Variants in LSAMP observed in about 807,000 individuals in gnomAD.
LSAMP encodes limbic system associated membrane protein.
LSAMP carries 7 observed loss-of-function variants against 38.6 expected under a neutral mutation model. The ratio of observed to expected loss-of-function variants is 0.18; its 90% CI spans 0.10 to 0.34. LSAMP has a LOEUF of 0.34. Ranked by LOEUF, LSAMP falls within the 10% of genes least tolerant of loss-of-function variation. The probability of loss-of-function intolerance (pLI) is 1.00; values close to 1 mark genes in which losing one functional copy is unlikely to be tolerated. For missense variants in LSAMP, 313 were observed against 420.0 expected, an observed-to-expected ratio of 0.75 and a Z score of 2.23; for synonymous variants, 154 against 166.8, an observed-to-expected ratio of 0.92 and a Z score of 0.59.
chr3:116,028,327 T>C (rs975185738), intron 2 of LSAMP, among the ~76,000 whole-genome samples: 1 of 152,148 alleles, frequency 6.6e-6, no homozygotes, highest in Non-Finnish European at 1.5e-5. Flanking sequence ...CCAGGATGGA[T>C]GACAGGACTG....
intron 1 of LSAMP, among the ~76,000 whole-genome samples, chr3:116,394,074 T>A (rs1331653625): frequency 6.6e-6 from 1 of 152,200 alleles, no homozygotes; most frequent in Non-Finnish European, 1.5e-5. Flanking sequence ...CACCTGTTTT[T>A]GTTTCCTTTC....
intron 3 of LSAMP, among the ~76,000 whole-genome samples, chr3:116,014,155 A>G (rs562268730): frequency 6.6e-6 from 1 of 152,282 alleles, no homozygotes; most frequent in African/African-American, 2.4e-5. Flanking sequence ...TAGCATGTGC[A>G]CCAATTTAGG....
intron 2 of LSAMP, among the ~76,000 whole-genome samples, chr3:116,065,583 A>G (rs188376217): frequency 5.9e-5 from 9 of 152,266 alleles, no homozygotes; most frequent in African/African-American, 1.9e-4. Flanking sequence ...ATTTCTTAAG[A>G]TCTTAAATTA....
At chr3:116,046,538 G>T (rs1263274414) in intron 2 of LSAMP, among the ~76,000 whole-genome samples, 1 of 152,188 alleles carries the variant, frequency 6.6e-6, no homozygotes, top group Non-Finnish European at 1.5e-5. Flanking sequence ...TCGTTAGGTA[G>T]GGAGGCACTG....
chr3:116,324,577 GT>G lies in LSAMP; in HGVS notation c.155+120299del, dbSNP rs1344219244. On this transcript the variant is annotated intron_variant, in intron 1 of 6. Coordinates refer to ENST00000490035, the MANE Select transcript of LSAMP (RefSeq NM_002338.5). ...TAGAGTCATAATCTATTCATTCCGA[GT>G]TCTTACACACCTGAATCACAACATA... 9.2e-5 allele frequency among the ~76,000 whole-genome samples: 14 copies of G among 152,218 alleles called. No homozygotes were observed. The East Asian group carries it at 2.5e-3, about 27-fold the overall frequency.
intron 1 of LSAMP, among the ~76,000 whole-genome samples, chr3:116,129,834 G>T (rs182459581): frequency 6.6e-6 from 1 of 152,210 alleles, no homozygotes; most frequent in Non-Finnish European, 1.5e-5. Context: ...GGGATGTACC[G>T]TCTCTTCTGG....
At chr3:115,987,437 C>A (rs1939541355) in intron 3 of LSAMP, among the ~76,000 whole-genome samples, 1 of 152,142 alleles carries the variant, frequency 6.6e-6, no homozygotes. Flanking sequence ...AGGAGGAATA[C>A]ACTTTTATTG....
intron 3 of LSAMP, among the ~76,000 whole-genome samples, chr3:115,930,940 T>C (rs1352528742): frequency 6.6e-6 from 1 of 152,166 alleles, no homozygotes; most frequent in African/African-American, 2.4e-5. Context: ...AAAAACAAGA[T>C]AAAAATTACA....
At chr3:116,429,458 A>C (rs1305308013) in intron 1 of LSAMP, among the ~76,000 whole-genome samples, 1 of 152,228 alleles carries the variant, frequency 6.6e-6, no homozygotes. Context: ...TTATAAGAAC[A>C]GAAAACCAGA....
chr3:116,400,371 C>CA (rs2048822523), intron 1 of LSAMP, among the ~76,000 whole-genome samples: 3 of 151,778 alleles, frequency 2.0e-5, no homozygotes, highest in Admixed American at 2.0e-4. Flanking sequence ...TTCTTCCTTC[C>CA]TTTTTTTTCT....
chr3:116,206,887 T>A (rs2046077206), intron 1 of LSAMP, among the ~76,000 whole-genome samples: 1 of 150,808 alleles, frequency 6.6e-6, no homozygotes, highest in Non-Finnish European at 1.5e-5. Flanking sequence ...TCTGTTGATT[T>A]GGGGTGGAGA....
At chr3:115,910,810 A>G (rs1937117888) in intron 3 of LSAMP, among the ~76,000 whole-genome samples, 1 of 152,188 alleles carries the variant, frequency 6.6e-6, no homozygotes, top group African/African-American at 2.4e-5. Flanking sequence ...CTGTTGGCAT[A>G]GACTCTTTTT....
chr3:116,404,337 T>C (rs1430921498), intron 1 of LSAMP, among the ~76,000 whole-genome samples: 1 of 152,188 alleles, frequency 6.6e-6, no homozygotes, highest in Non-Finnish European at 1.5e-5. Context: ...AATATTACTT[T>C]TCCCCTGCTT....
At chr3:115,851,697 C>G (rs1377204100) in intron 4 of LSAMP, among the ~76,000 whole-genome samples, 2 of 152,100 alleles carry the variant, frequency 1.3e-5, no homozygotes, top group African/African-American at 4.8e-5. Flanking sequence ...TCAAAGCTTC[C>G]CTTTGTCCCT....
chr3:115,854,184 ATTATC>A (rs1559851736), intron 3 of LSAMP, among the ~76,000 whole-genome samples: 1 of 151,312 alleles, frequency 6.6e-6, no homozygotes, highest in African/African-American at 2.4e-5. Flanking sequence ...AGTTCTGCAC[ATTATC>A]TTTATCTAGC....
intron 1 of LSAMP, among the ~76,000 whole-genome samples, chr3:116,099,215 G>C (rs1708291287): frequency 6.6e-6 from 1 of 152,166 alleles, no homozygotes; most frequent in African/African-American, 2.4e-5. Context: ...TGATTCAAAA[G>C]TACCATCTCT....
At chr3:116,303,708 A>ACAGT (rs1180369599) in intron 1 of LSAMP, among the ~76,000 whole-genome samples, 2 of 152,202 alleles carry the variant, frequency 1.3e-5, no homozygotes, top group African/African-American at 4.8e-5. Flanking sequence ...CAAAAATGTT[A>ACAGT]CAGTCACTAA....
At chr3:116,112,190 G>T (rs573113975) in intron 1 of LSAMP, among the ~76,000 whole-genome samples, 8 of 152,334 alleles carry the variant, frequency 5.3e-5, no homozygotes, top group African/African-American at 9.6e-5. Context: ...TGCTTTTTGT[G>T]TGGAAGTTCA....
intron 1 of LSAMP, among the ~76,000 whole-genome samples, chr3:116,423,763 A>G (rs1432741792): frequency 6.6e-6 from 1 of 152,212 alleles, no homozygotes; most frequent in Non-Finnish European, 1.5e-5. Context: ...ACTGAGAGAG[A>G]GACCATCTTA....
Sources: allele counts gnomAD v4.1 joint callset (sites outside exome capture counted in the v4.1 genomes callset), GRCh38; gene constraint gnomAD v4.1.1; transcripts MANE v1.5; gene names NCBI Gene and HGNC (gene_info 2026-07-23, HGNC 2026-07-21).